DENND1B: variants seen among roughly 807,000 people sequenced by gnomAD.
DENND1B encodes the protein DENN domain containing 1B.
A neutral mutation model predicts 90.1 loss-of-function variants in DENND1B; 59 were observed. That is an observed-to-expected ratio of 0.65 (90% CI 0.53 to 0.81). The LOEUF (loss-of-function observed/expected upper bound fraction) is 0.81. DENND1B is among the 40% of genes least tolerant of loss of function. The pLI is 0.00. For missense variants in DENND1B, 862 were observed against 912.6 expected, an observed-to-expected ratio of 0.94 and a Z score of 0.71; for synonymous variants, 337 against 324.6, an observed-to-expected ratio of 1.04 and a Z score of -0.41.
At chr1:197,759,045 A>T (rs1316606282) in intron 2 of DENND1B, among the ~76,000 whole-genome samples, 1 of 141,448 alleles carries the variant, frequency 7.1e-6, no homozygotes, top group African/African-American at 2.7e-5. Flanking sequence ...TCTCGGCTCA[A>T]TGCAACATCC....
intron 15 of DENND1B, among the ~76,000 whole-genome samples, chr1:197,568,985 G>C (rs892758942): frequency 6.6e-6 from 1 of 151,982 alleles, no homozygotes; most frequent in Non-Finnish European, 1.5e-5. Flanking sequence ...AAATAACAGA[G>C]TGAAGAGACA....
At chr1:197,598,633 G>A (rs1406258740) in intron 13 of DENND1B, among the ~76,000 whole-genome samples, 3 of 151,674 alleles carry the variant, frequency 2.0e-5, no homozygotes, top group African/African-American at 7.3e-5. Context: ...GAAATCCTAA[G>A]GCTTATACTC....
At position 197,566,789 on chromosome 1, in the gene DENND1B, A is replaced by T. The variant is rs576130982; in HGVS notation, c.1150-13677T>A. Among the ~76,000 whole-genome samples, 4 of 152,116 alleles carry T rather than the reference A, an allele frequency of 2.6e-5. No homozygotes were observed. In the East Asian group the frequency reaches 5.8e-4, roughly 22 times the overall value. ...TAAAAGAAGGGAAATTCATAGAAGT[A>T]TGAGAGGTAAAAAAAAAAAATTCCT... On this transcript the variant is annotated intron_variant, in intron 15 of 22. Transcript: ENST00000620048.
chr1:197,627,853 A>G (rs1269847136), intron 10 of DENND1B, among the ~76,000 whole-genome samples: 4 of 152,262 alleles, frequency 2.6e-5, no homozygotes, highest in African/African-American at 7.2e-5. Flanking sequence ...AAATCAATGT[A>G]CAAAAATCAC....
chr1:197,712,671 G>C (rs1660104244), intron 3 of DENND1B, among the ~76,000 whole-genome samples: 1 of 15,332 alleles, frequency 6.5e-5, no homozygotes, highest in Non-Finnish European at 1.1e-4. Context: ...ACATAGGAGT[G>C]GGCAAGGACT....
chr1:197,525,025 A>C (rs2125621492), intron 20 of DENND1B, among the ~76,000 whole-genome samples: 1 of 152,150 alleles, frequency 6.6e-6, no homozygotes, highest in Non-Finnish European at 1.5e-5. Flanking sequence ...CTACATAAAA[A>C]CCCATTCAAT....
rs1356818499 is a variant in DENND1B, at chr1:197,510,636, CG to C, written c.2151del (p.Gly718ValfsTer32). 1 of 1,612,640 alleles carries C rather than the reference CG, an allele frequency of 6.2e-7. No individual in the cohort carries two copies. Among genetic ancestry groups the C allele is most frequent in the Non-Finnish European group, 8.5e-7 (1 of 1,179,228 alleles). The stretch of plus-strand genomic sequence containing the variant: ...AAAGTCGATGAATGCCGCCCAAGAC[CG>C]GGTATAAGCAGATCATCTGAAATCT... ...LSQISDDLLI[P>X]GLGRHSSTFV... is the part of the protein sequence containing the mutation. On this transcript the variant is annotated frameshift_variant, in exon 23 of 23. Transcript: ENST00000620048. LOFTEE classifies it low-confidence loss of function (END_TRUNC).
chr1:197,659,550 T>A (rs947185286), intron 5 of DENND1B, among the ~76,000 whole-genome samples: 11 of 151,888 alleles, frequency 7.2e-5, no homozygotes, highest in Non-Finnish European at 1.3e-4. Flanking sequence ...TATCTCTGTG[T>A]CCTCTGGAAA....
At chr1:197,604,852 C>G (rs1245024654) in intron 13 of DENND1B, among the ~76,000 whole-genome samples, 1 of 151,062 alleles carries the variant, frequency 6.6e-6, no homozygotes, top group Non-Finnish European at 1.5e-5. Context: ...TGATGTGATG[C>G]TTCATCCTAT....
chr1:197,694,057 T>C (rs758851799), intron 3 of DENND1B, among the ~76,000 whole-genome samples: 3 of 151,462 alleles, frequency 2.0e-5, no homozygotes, highest in Admixed American at 6.6e-5. Flanking sequence ...TTTTAAATAT[T>C]AATAAGTAAC....
At chr1:197,650,185 T>G (rs924108123) in intron 7 of DENND1B, among the ~76,000 whole-genome samples, 1 of 152,176 alleles carries the variant, frequency 6.6e-6, no homozygotes, top group African/African-American at 2.4e-5. Flanking sequence ...ATGGCCATAA[T>G]CAAAAAATCA....
chr1:197,684,179 A>C (rs1226161009), intron 3 of DENND1B, among the ~76,000 whole-genome samples: 1 of 152,236 alleles, frequency 6.6e-6, no homozygotes, highest in African/African-American at 2.4e-5. Context: ...CTCTGTGCCA[A>C]GTTCTGACCT....
At chr1:197,751,129 T>C (rs903900649) in intron 2 of DENND1B, among the ~76,000 whole-genome samples, 2 of 152,222 alleles carry the variant, frequency 1.3e-5, no homozygotes, top group Non-Finnish European at 2.9e-5. Flanking sequence ...AACTGCAGAA[T>C]ATATATTCTA....
chr1:197,739,471 GA>G (rs1392793962), intron 2 of DENND1B, among the ~76,000 whole-genome samples: 2 of 151,950 alleles, frequency 1.3e-5, no homozygotes, highest in Non-Finnish European at 2.9e-5. Context: ...AAATATAACA[GA>G]AACATCACAG....
At chr1:197,558,543 T>C (rs537205358) in intron 15 of DENND1B, among the ~76,000 whole-genome samples, 15 of 151,932 alleles carry the variant, frequency 9.9e-5, no homozygotes, top group African/African-American at 3.4e-4. Flanking sequence ...GGCCACGCTC[T>C]AGTTTTCAAT....
chr1:197,614,447 C>T (rs1423673449), intron 11 of DENND1B, among the ~76,000 whole-genome samples: 2 of 150,948 alleles, frequency 1.3e-5, no homozygotes, highest in Non-Finnish European at 3.0e-5. Context: ...CTTTGCAAAC[C>T]TAGCCTTAAA....
intron 2 of DENND1B, among the ~76,000 whole-genome samples, chr1:197,741,144 T>C (rs754759309): frequency 1.6e-4 from 24 of 152,192 alleles, no homozygotes; most frequent in Non-Finnish European, 2.4e-4. Context: ...ATCCTCTATG[T>C]TGATAAAGCT....
At chr1:197,680,319 T>C (rs773328648) in intron 3 of DENND1B, among the ~76,000 whole-genome samples, 28 of 152,226 alleles carry the variant, frequency 1.8e-4, no homozygotes, top group Non-Finnish European at 3.7e-4. Flanking sequence ...TAACTAGTAA[T>C]ATTTTCTAGA....
At chr1:197,734,658 C>T in intron 2 of DENND1B, 1 of 984,572 alleles carries the variant, frequency 1.0e-6, no homozygotes, top group Non-Finnish European at 1.2e-6. Context: ...AGTTCAAAAC[C>T]CTACAAACAG....
Sources: allele counts gnomAD v4.1 joint callset (sites outside exome capture counted in the v4.1 genomes callset), GRCh38; gene constraint gnomAD v4.1.1; transcripts MANE v1.5; gene names NCBI Gene and HGNC (gene_info 2026-07-23, HGNC 2026-07-21).